CPVL: variants seen among roughly 807,000 people sequenced by gnomAD.
The protein encoded by CPVL is carboxypeptidase vitellogenic like.
In CPVL, 51 loss-of-function variants were observed where a neutral mutation model predicts 63.7. The observed-to-expected ratio is 0.80, with a 90% CI of 0.64 to 1.01. CPVL has a LOEUF of 1.01. CPVL is among the 50% of genes least tolerant of loss of function. The pLI is 0.00. For missense variants in CPVL, 530 were observed against 573.1 expected (o/e 0.92, Z 0.77); for synonymous variants, 195 against 206.0 (o/e 0.95, Z 0.46).
At chr7:29,174,483 T>C (rs1321830746) in intron 5 of CPVL, among the ~76,000 whole-genome samples, 1 of 152,092 alleles carries the variant, frequency 6.6e-6, no homozygotes, top group African/African-American at 2.4e-5. Flanking sequence ...GCTCAGCTGA[T>C]TAGCCATGGG....
intron 1 of CPVL, among the ~76,000 whole-genome samples, chr7:29,134,858 G>A (rs915692506): frequency 3.9e-5 from 6 of 152,108 alleles, no homozygotes; most frequent in Non-Finnish European, 7.4e-5. Flanking sequence ...CCAGAACCTT[G>A]GGAGACCAAG....
At chr7:28,996,555 A>C (rs11972162) in intron 12 of CPVL, among the ~76,000 whole-genome samples, 13,597 of 151,640 alleles carry the variant, frequency 0.09, 676 homozygotes, top group Middle Eastern at 0.12. Context: ...AAAACAAAAA[A>C]AAAAAAAACA....
intron 11 of CPVL, among the ~76,000 whole-genome samples, chr7:29,055,169 C>T (rs1427757923): frequency 6.6e-6 from 1 of 152,188 alleles, no homozygotes; most frequent in African/African-American, 2.4e-5. Context: ...CTTTTGATTA[C>T]AAGCTTACAT....
rs1798735049 is a variant in CPVL, at chr7:29,186,510, T to C, written c.-410A>G. 3.3e-5 allele frequency: 5 copies of C among 151,328 alleles called. No homozygotes were observed. The South Asian group carries it at 1.0e-3, about 32-fold the overall frequency. 9.4% of individuals were successfully genotyped at this position (151,328 alleles called of 1,614,324 possible). ...TGGATTAAGCCCAGGAGGTAGAGGC[T>C]GTAGCAGTGAGCTGTGATCGTGTCA... is the stretch of plus-strand genomic sequence containing the variant. On this transcript the variant is annotated 5_prime_UTR_variant, in exon 2 of 17. Coordinates refer to the CPVL transcript ENST00000409850.
chr7:29,081,328 T>A (rs986813232), intron 7 of CPVL: 1 of 152,248 alleles, frequency 6.6e-6, no homozygotes, highest in Non-Finnish European at 1.5e-5. Flanking sequence ...CAGACACATT[T>A]GTCTCTTTTT....
rs182564672 is a variant in CPVL at position 29,051,652 on chromosome 7, T to C, written c.1137+12409A>G. 1.2e-4 allele frequency among the ~76,000 whole-genome samples: 18 copies of C among 152,260 alleles called. No homozygotes were observed. In the East Asian group the frequency reaches 3.3e-3, roughly 28 times the overall value. On this transcript the variant is annotated intron_variant, in intron 11 of 12. Transcript: ENST00000265394. Reference sequence around the variant, plus strand: ...AACACTTCTACACTGTTGGTGGGAATGTAAACTAGTATAGCCACTATGGAA... The same window carrying C: ...AACACTTCTACACTGTTGGTGGGAACGTAAACTAGTATAGCCACTATGGAA...
chr7:29,076,577 A>G (rs1784271022), intron 7 of CPVL, among the ~76,000 whole-genome samples: 1 of 152,216 alleles, frequency 6.6e-6, no homozygotes, highest in South Asian at 2.1e-4. Flanking sequence ...TCAACACATC[A>G]GAATTTTTAG....
chr7:29,003,785 C>T (rs960457785), intron 12 of CPVL, among the ~76,000 whole-genome samples: 1 of 152,126 alleles, frequency 6.6e-6, no homozygotes, highest in Non-Finnish European at 1.5e-5. Context: ...TGACACTGTT[C>T]CACTTCAGAT....
At chr7:29,133,133 A>G (rs1790862209) in intron 1 of CPVL, among the ~76,000 whole-genome samples, 1 of 151,868 alleles carries the variant, frequency 6.6e-6, no homozygotes, top group African/African-American at 2.4e-5. Context: ...AGGCTGGTTC[A>G]TCTGCTTCAT....
At chr7:29,102,725 T>C (rs1238980894) in intron 3 of CPVL, among the ~76,000 whole-genome samples, 3 of 152,156 alleles carry the variant, frequency 2.0e-5, no homozygotes, top group Non-Finnish European at 4.4e-5. Context: ...TCAGAAGCCC[T>C]TTCGATTCTT....
intron 12 of CPVL, among the ~76,000 whole-genome samples, chr7:29,006,129 G>C (rs921234558): frequency 6.6e-6 from 1 of 152,198 alleles, no homozygotes; most frequent in Non-Finnish European, 1.5e-5. Flanking sequence ...ACTGGATCAG[G>C]AGAACCAACT....
In CPVL at chr7:29,096,186, C is replaced by T. The variant is rs1786385444; in HGVS notation, c.320G>A (p.Trp107Ter). 1 of 1,614,024 alleles carries T rather than the reference C, an allele frequency of 6.2e-7. No homozygotes were observed. The highest frequency in any genetic ancestry group is 8.5e-7 in the Non-Finnish European group (1 of 1,180,004). ...IQPEDAPVVL[W>*]LQGGPGGSSM... is the part of the protein sequence containing the mutation. ...TGAACCTCCCGGCCCACCCTGTAGC[C>T]AGAGAACTACTGGGGCATCTTCTGG... The change falls in exon 4 of 13, where the codon TGG (tryptophan) becomes TAG (stop). Residue 107 changes from tryptophan to a stop codon, truncating the protein, a stop_gained. Transcript: ENST00000265394. LOFTEE classifies it high-confidence loss of function.
intron 7 of CPVL, among the ~76,000 whole-genome samples, chr7:29,079,234 C>T (rs569560901): frequency 2.0e-5 from 3 of 152,300 alleles, no homozygotes; most frequent in African/African-American, 7.2e-5. Flanking sequence ...TTTGACTCCC[C>T]TTCAGACACA....
At chr7:29,178,402 T>C (rs1334654345) in intron 5 of CPVL, among the ~76,000 whole-genome samples, 1 of 152,162 alleles carries the variant, frequency 6.6e-6, no homozygotes, top group Non-Finnish European at 1.5e-5. Context: ...TTTCATTCCT[T>C]TGACGCCAGC....
rs144669980 is a variant in CPVL at position 29,177,508 on chromosome 7, C to T, written c.-11+3782G>A. 4.7e-3 allele frequency among the ~76,000 whole-genome samples: 711 copies of T among 151,774 alleles called. 7 individuals are homozygous for T. The highest frequency in any genetic ancestry group is 0.016 in the African/African-American group (678 of 41,412). On this transcript the variant is annotated intron_variant, in intron 5 of 16. Transcript: ENST00000409850. ...ACCTCAAGTCATCTGCCTGCCTTGG[C>T]CTCCCACAGTGCTGGGATTACAGGC... is the stretch of plus-strand genomic sequence containing the variant.
chr7:29,070,494 C>T (rs113861052), intron 9 of CPVL, among the ~76,000 whole-genome samples: 3 of 152,288 alleles, frequency 2.0e-5, no homozygotes, highest in African/African-American at 7.2e-5. Flanking sequence ...TCCTTCGTCC[C>T]CTCTGTGACT....
chr7:29,140,437 T>C (rs1791752651), intron 1 of CPVL, among the ~76,000 whole-genome samples: 1 of 152,170 alleles, frequency 6.6e-6, no homozygotes, highest in African/African-American at 2.4e-5. Context: ...AAGGGGACAG[T>C]ATCCACCTTC....
chr7:29,169,880 G>A (rs75370794), intron 5 of CPVL, among the ~76,000 whole-genome samples: 97 of 150,038 alleles, frequency 6.5e-4, no homozygotes, highest in African/African-American at 9.9e-4. Flanking sequence ...GTGTGTGTGT[G>A]TATATATATA....
At chr7:29,001,713 G>A (rs575445627) in intron 12 of CPVL, among the ~76,000 whole-genome samples, 1 of 152,292 alleles carries the variant, frequency 6.6e-6, no homozygotes, top group South Asian at 2.1e-4. Flanking sequence ...AATAGAATGA[G>A]AAAAGGAGCT....
Sources: allele counts gnomAD v4.1 joint callset (sites outside exome capture counted in the v4.1 genomes callset), GRCh38; gene constraint gnomAD v4.1.1; transcripts MANE v1.5; gene names NCBI Gene and HGNC (gene_info 2026-07-23, HGNC 2026-07-21).